The following SMYD3 variants were observed in gnomAD, a reference collection of about 807,000 sequenced individuals.
SMYD3 encodes the protein histone-lysine N-methyltransferase SMYD3.
Under a neutral mutation model 57.7 loss-of-function variants are expected in SMYD3, and 36 were observed. That is an observed-to-expected ratio of 0.62 (90% CI 0.48 to 0.82). SMYD3 has a LOEUF of 0.82. Ranked by LOEUF, SMYD3 falls within the 40% of genes least tolerant of loss-of-function variation. The pLI, the probability that SMYD3 is intolerant of heterozygous loss-of-function variation, is 0.00. For missense variants in SMYD3, 515 were observed against 538.8 expected (o/e 0.96, Z 0.44); for synonymous variants, 211 against 195.0 (o/e 1.08, Z -0.68).
At position 246,246,734 on chromosome 1, in the gene SMYD3, T is replaced by A. The variant is rs1260130879; in HGVS notation, c.531+80467A>T. Among the ~76,000 whole-genome samples, 3 of 151,940 alleles carry A rather than the reference T, an allele frequency of 2.0e-5. No homozygotes were observed. The South Asian group carries it at 6.2e-4, about 32-fold the overall frequency. On this transcript the variant is annotated intron_variant, in intron 5 of 11. Coordinates refer to ENST00000490107, the MANE Select transcript of SMYD3 (RefSeq NM_001167740.2). ...ATTTTTAGAATTTTCATTTTACCTA[T>A]GTGGAAACTGAGCCACATAGAAGAT...
At chr1:245,935,365 A>G (rs2056940048) in intron 5 of SMYD3, among the ~76,000 whole-genome samples, 2 of 152,234 alleles carry the variant, frequency 1.3e-5, no homozygotes, top group South Asian at 4.1e-4. Flanking sequence ...ACAATGAGGT[A>G]TCACCTCATG....
At chr1:246,160,640 G>C (rs1009199803) in intron 5 of SMYD3, among the ~76,000 whole-genome samples, 1 of 152,220 alleles carries the variant, frequency 6.6e-6, no homozygotes, top group African/African-American at 2.4e-5. Context: ...AAGTGAGAAA[G>C]GCAGGGAGCT....
intron 2 of SMYD3, among the ~76,000 whole-genome samples, chr1:246,341,125 C>A (rs1345543587): frequency 1.3e-5 from 2 of 152,150 alleles, no homozygotes; most frequent in East Asian, 1.9e-4. Context: ...AAATTTTCTA[C>A]AAAGAGCATG....
At chr1:246,460,220 T>C (rs2067776295) in intron 1 of SMYD3, among the ~76,000 whole-genome samples, 1 of 152,254 alleles carries the variant, frequency 6.6e-6, no homozygotes, top group Non-Finnish European at 1.5e-5. Context: ...GTCAAAAACA[T>C]CTATTCCTTT....
intron 11 of SMYD3, among the ~76,000 whole-genome samples, chr1:245,753,274 A>G (rs891370046): frequency 2.0e-5 from 3 of 152,062 alleles, no homozygotes; most frequent in Non-Finnish European, 4.4e-5. Flanking sequence ...AAGAAACTAC[A>G]TCATCTGTCT....
At chr1:246,328,572 A>C (rs1483558365) in intron 4 of SMYD3, among the ~76,000 whole-genome samples, 2 of 152,114 alleles carry the variant, frequency 1.3e-5, no homozygotes, top group Non-Finnish European at 2.9e-5. Flanking sequence ...ATGTCTATGC[A>C]TATCCTTTAG....
intron 5 of SMYD3, chr1:245,956,245 C>G (rs796635044): frequency 1.2e-5 from 2 of 162,118 alleles, no homozygotes; most frequent in Non-Finnish European, 2.6e-5. Flanking sequence ...CTAGCACCTA[C>G]TAATGTATAT....
At position 246,090,520 on chromosome 1, in the gene SMYD3, CTCTT is replaced by C. The variant is rs1446448399; in HGVS notation, c.532-160587_532-160584del. ...GAGAGAGCTGTTTTTCTTTCTCTCT[CTCTT>C]TTTTTTTTTTTTAGATGGAGTCTAG... is the stretch of plus-strand genomic sequence containing the variant. On this transcript the variant is annotated intron_variant, in intron 5 of 11. Transcript: ENST00000490107. Among the ~76,000 whole-genome samples the C allele has an allele frequency of 9.7e-3, 1,351 of 139,876 alleles. 12 individuals are homozygous for C. Among genetic ancestry groups the C allele is most frequent in the Middle Eastern group, 0.037 (10 of 270 alleles). The allele number at this position is 139,876 out of a possible 152,430, so 91.8% of individuals were successfully genotyped here.
At chr1:246,216,898 T>G (rs1268883010) in intron 5 of SMYD3, among the ~76,000 whole-genome samples, 4 of 152,072 alleles carry the variant, frequency 2.6e-5, no homozygotes, top group African/African-American at 9.7e-5. Context: ...CACTGGAGGC[T>G]GTGTGTGGGC....
intron 10 of SMYD3, among the ~76,000 whole-genome samples, chr1:245,825,100 ACT>A (rs2049409229): frequency 6.6e-6 from 1 of 152,164 alleles, no homozygotes; most frequent in Admixed American, 6.5e-5. Flanking sequence ...TGGACGTGTT[ACT>A]CTCAGAGTAG....
rs150059370 is a variant in SMYD3, at chr1:246,258,357, G to C, written c.531+68844C>G. 1.4e-3 allele frequency among the ~76,000 whole-genome samples: 209 copies of C among 152,220 alleles called. 1 individual carries two copies. Among genetic ancestry groups the C allele is most frequent in the African/African-American group, 4.9e-3 (204 of 41,544 alleles). Reference sequence around the variant, plus strand: ...GCCTCACGTATTTCTTTACAGCAATGCAAGAGCACACTAATACAGAACACC... The same window carrying C: ...GCCTCACGTATTTCTTTACAGCAATCCAAGAGCACACTAATACAGAACACC... On this transcript the variant is annotated intron_variant, in intron 5 of 11. Transcript: ENST00000490107.
intron 5 of SMYD3, among the ~76,000 whole-genome samples, chr1:246,322,053 G>A (rs1261530969): frequency 6.6e-6 from 1 of 152,100 alleles, no homozygotes; most frequent in Non-Finnish European, 1.5e-5. Context: ...CATTGTGCCT[G>A]ACCAATAAAT....
chr1:246,237,213 C>A (rs539792883), intron 5 of SMYD3, among the ~76,000 whole-genome samples: 1 of 152,092 alleles, frequency 6.6e-6, no homozygotes, highest in East Asian at 1.9e-4. Context: ...TATAACTGGT[C>A]GCAGCTCCAT....
chr1:246,493,167 A>G (rs1176064266), intron 1 of SMYD3, among the ~76,000 whole-genome samples: 1 of 147,308 alleles, frequency 6.8e-6, no homozygotes, highest in African/African-American at 2.5e-5. Context: ...TTACAAAAAA[A>G]GGAGGAGGTG....
At chr1:246,041,972 T>C (rs1356095472) in intron 5 of SMYD3, among the ~76,000 whole-genome samples, 1 of 152,176 alleles carries the variant, frequency 6.6e-6, no homozygotes, top group Non-Finnish European at 1.5e-5. Context: ...ACAAAATTGG[T>C]TTTATTGCTT....
chr1:246,115,383 A>G (rs2061327317), intron 5 of SMYD3, among the ~76,000 whole-genome samples: 1 of 152,202 alleles, frequency 6.6e-6, no homozygotes, highest in Non-Finnish European at 1.5e-5. Context: ...CTTGCCCTAC[A>G]CTAAATACTG....
At chr1:245,805,272 A>G (rs1387840457) in intron 10 of SMYD3, among the ~76,000 whole-genome samples, 2 of 150,668 alleles carry the variant, frequency 1.3e-5, no homozygotes, top group African/African-American at 2.5e-5. Flanking sequence ...GAGAGGGGCA[A>G]GTTTATTATG....
rs559691317 is a variant in SMYD3 at position 246,083,163 on chromosome 1, A to G, written c.532-153226T>C. ...GAAGGAATGCCTCTTTGCAGTTGAG[A>G]TAAGAGGAAGGCATCTGTCTCCTGC... On this transcript the variant is annotated intron_variant, in intron 5 of 11. Transcript: ENST00000490107. Among the ~76,000 whole-genome samples, 298 of 151,910 alleles carry G rather than the reference A, an allele frequency of 2.0e-3. 4 individuals carry two copies. The highest frequency in any genetic ancestry group is 6.3e-3 in the African/African-American group (262 of 41,344).
chr1:246,363,918 T>TA (rs1461297610), intron 1 of SMYD3, among the ~76,000 whole-genome samples: 2 of 150,750 alleles, frequency 1.3e-5, no homozygotes, highest in African/African-American at 2.4e-5. Context: ...GAATGATCAA[T>TA]AAAAAAATAA....
Sources: allele counts gnomAD v4.1 joint callset (sites outside exome capture counted in the v4.1 genomes callset), GRCh38; gene constraint gnomAD v4.1.1; transcripts MANE v1.5; gene names NCBI Gene and HGNC (gene_info 2026-07-23, HGNC 2026-07-21).